CADM2: variants seen among roughly 807,000 people sequenced by gnomAD.
CADM2 encodes cell adhesion molecule 2.
A neutral mutation model predicts 49.8 loss-of-function variants in CADM2; 12 were observed. The ratio of observed to expected loss-of-function variants is 0.24; its 90% CI spans 0.15 to 0.39. The LOEUF (loss-of-function observed/expected upper bound fraction) is 0.39. Among genes scored for constraint, CADM2 ranks in the 10% least tolerant of loss-of-function variants. CADM2 has a pLI of 1.00. For synonymous variants in CADM2, 214 were observed against 175.4 expected (o/e 1.22, Z -1.74); for missense variants, 378 against 492.3 (o/e 0.77, Z 2.20).
Position 85,829,397 on chromosome 3 carries a change from AC to A in CADM2, c.238+27203del, listed in dbSNP as rs1164157838. Among the ~76,000 whole-genome samples the A allele has an allele frequency of 2.1e-4, 32 of 152,036 alleles. 1 individual carries two copies. Among genetic ancestry groups the A allele is most frequent in the African/African-American group, 7.7e-4 (32 of 41,518 alleles). On this transcript the variant is annotated intron_variant, in intron 3 of 9. Transcript: ENST00000383699. ...ATGATCAAATGAGGGTAATTAGCATACCTATCACCTCAAACATTTATCATTT... is the reference window on the plus strand; with the variant it reads ...ATGATCAAATGAGGGTAATTAGCATACTATCACCTCAAACATTTATCATTT...
chr3:85,578,238 C>T (rs1372635132), intron 1 of CADM2, among the ~76,000 whole-genome samples: 1 of 152,050 alleles, frequency 6.6e-6, no homozygotes, highest in African/African-American at 2.4e-5. Context: ...GTCAGATGCA[C>T]TAATGATTAT....
At chr3:85,353,989 A>G (rs1035490163) in intron 1 of CADM2, among the ~76,000 whole-genome samples, 1 of 152,052 alleles carries the variant, frequency 6.6e-6, no homozygotes. Flanking sequence ...ATTTGAATCA[A>G]AGTACAAATA....
intron 1 of CADM2, among the ~76,000 whole-genome samples, chr3:85,061,138 C>G (rs1035392611): frequency 6.6e-6 from 1 of 152,066 alleles, no homozygotes; most frequent in South Asian, 2.1e-4. Context: ...TTGTGACTTT[C>G]ATAGCCATCT....
At chr3:85,543,430 GT>G in intron 1 of CADM2, among the ~76,000 whole-genome samples, 1 of 150,058 alleles carries the variant, frequency 6.7e-6, no homozygotes, top group South Asian at 2.1e-4. Flanking sequence ...ATGTGTGTGT[GT>G]GTGTGTGTGT....
intron 1 of CADM2, among the ~76,000 whole-genome samples, chr3:85,602,894 C>A (rs1409790556): frequency 1.3e-5 from 2 of 151,582 alleles, no homozygotes; most frequent in Admixed American, 6.6e-5. Context: ...TTCGTTTGAC[C>A]CCCTTAGTTT....
intron 1 of CADM2, among the ~76,000 whole-genome samples, chr3:85,109,950 G>T (rs2038389775): frequency 6.6e-6 from 1 of 151,770 alleles, no homozygotes; most frequent in South Asian, 2.1e-4. Flanking sequence ...GCTTGTCAAA[G>T]AAAAAGAAAT....
chr3:85,160,840 T>C (rs1388749669), intron 1 of CADM2, among the ~76,000 whole-genome samples: 4 of 152,200 alleles, frequency 2.6e-5, no homozygotes, highest in Non-Finnish European at 5.9e-5. Context: ...TCTTATGGGA[T>C]GTAGAGGAAA....
At chr3:84,979,067 A>G (rs2032007735) in intron 1 of CADM2, among the ~76,000 whole-genome samples, 2 of 151,652 alleles carry the variant, frequency 1.3e-5, no homozygotes, top group East Asian at 2.0e-4. Flanking sequence ...TTAGGCTTGG[A>G]TCATCTCCAA....
chr3:86,021,260 A>G (rs1367288217), intron 8 of CADM2, among the ~76,000 whole-genome samples: 1 of 152,126 alleles, frequency 6.6e-6, no homozygotes, highest in Non-Finnish European at 1.5e-5. Flanking sequence ...TCAGCCTCCC[A>G]AAGTGCTGGG....
At chr3:85,699,542 A>T (rs1001940846) in intron 1 of CADM2, among the ~76,000 whole-genome samples, 6 of 152,224 alleles carry the variant, frequency 3.9e-5, no homozygotes, top group African/African-American at 1.4e-4. Flanking sequence ...CACCACATGG[A>T]AGCTGCCAGG....
intron 1 of CADM2, among the ~76,000 whole-genome samples, chr3:85,615,336 T>G (rs1379593429): frequency 6.6e-6 from 1 of 152,008 alleles, no homozygotes; most frequent in East Asian, 1.9e-4. Context: ...TATGTTTCAG[T>G]GAATCTTTGT....
chr3:85,682,523 G>A (rs2066069378), intron 1 of CADM2, among the ~76,000 whole-genome samples: 1 of 152,044 alleles, frequency 6.6e-6, no homozygotes, highest in South Asian at 2.1e-4. Context: ...ACGTGAAGGT[G>A]TTGCTCCAAA....
intron 1 of CADM2, among the ~76,000 whole-genome samples, chr3:85,062,545 T>A (rs1292831440): frequency 6.6e-6 from 1 of 151,956 alleles, no homozygotes; most frequent in Admixed American, 6.6e-5. Context: ...AATTTTTTGG[T>A]ACTAAAAATA....
chr3:85,331,802 A>T (rs762851380), intron 1 of CADM2, among the ~76,000 whole-genome samples: 1 of 151,926 alleles, frequency 6.6e-6, no homozygotes, highest in Non-Finnish European at 1.5e-5. Flanking sequence ...TGTCTTTTGG[A>T]TAAGAGCCAT....
intron 1 of CADM2, among the ~76,000 whole-genome samples, chr3:85,506,655 T>G (rs1225223544): frequency 2.0e-5 from 3 of 152,204 alleles, no homozygotes; most frequent in African/African-American, 7.2e-5. Context: ...CTGCGTTAGC[T>G]TCCCAAAAAG....
chr3:84,959,973 G>A, intron 1 of CADM2: 1 of 507,870 alleles, frequency 2.0e-6, no homozygotes, highest in Non-Finnish European at 3.5e-6. Context: ...ACGCCTTTTG[G>A]CTGGCAACTT....
chr3:85,100,804 T>C (rs763243021), intron 1 of CADM2, among the ~76,000 whole-genome samples: 1 of 152,234 alleles, frequency 6.6e-6, no homozygotes, highest in Non-Finnish European at 1.5e-5. Context: ...TTTAAGTGCA[T>C]GTAATTCAAA....
chr3:84,999,329 G>A (rs2033337403), intron 1 of CADM2, among the ~76,000 whole-genome samples: 1 of 152,022 alleles, frequency 6.6e-6, no homozygotes, highest in South Asian at 2.1e-4. Context: ...TTTTGTATGT[G>A]TGTTTCTATT....
At chr3:84,979,912 A>C (rs966314862) in intron 1 of CADM2, among the ~76,000 whole-genome samples, 2 of 152,190 alleles carry the variant, frequency 1.3e-5, no homozygotes, top group African/African-American at 2.4e-5. Context: ...AAATCACGAG[A>C]TAGAAAACGT....
Sources: gnomAD v4.1 joint callset for allele counts (sites outside exome capture counted in the v4.1 genomes callset) on GRCh38, gnomAD v4.1.1 for gene constraint, MANE v1.5 for transcripts, NCBI Gene and HGNC (gene_info 2026-07-23, HGNC 2026-07-21) for gene names.